The following COL6A6 variants were observed in gnomAD, a reference collection of about 807,000 sequenced individuals.
COL6A6 encodes the protein collagen alpha-6(VI) chain.
In COL6A6, 183 loss-of-function variants were observed where a neutral mutation model predicts 208.6. That is an observed-to-expected ratio of 0.88 (90% CI 0.78 to 0.99). The LOEUF (loss-of-function observed/expected upper bound fraction) is 0.99. COL6A6 is among the 50% of genes least tolerant of loss of function. The pLI is 0.00. For missense variants in COL6A6, 2,816 were observed against 2,815.2 expected (o/e 1.00, Z -0.01); for synonymous variants, 973 against 1,011.8 (o/e 0.96, Z 0.73).
At chr3:130,672,348 A>T (rs879916768) in intron 36 of COL6A6, among the ~76,000 whole-genome samples, 2 of 152,162 alleles carry the variant, frequency 1.3e-5, no homozygotes, top group Non-Finnish European at 2.9e-5. Flanking sequence ...TTATTTGAAC[A>T]ATATATAGTA....
rs774713000 is a variant in COL6A6 at position 130,568,414 on chromosome 3, A to G, written c.2211A>G (p.Ile737Met). 1.4e-5 allele frequency: 22 copies of G among 1,613,894 alleles called. No individual in the cohort carries two copies. The highest frequency in any genetic ancestry group is 1.8e-5 in the Non-Finnish European group (21 of 1,179,896). ...TCACGGATGGTGAAGCTCAGGACAT[A>G]GTAAAGGAACCAGCAGTAGTGCTTC... ...ILITDGEAQDIVKEPAVVLRQ... is the reference protein window; with the variant it reads ...ILITDGEAQDMVKEPAVVLRQ... Residue 737 changes from isoleucine to methionine, a missense_variant, in exon 6 of 37, where the codon ATA (isoleucine) becomes ATG (methionine). Ile to Met is a conservative substitution (Grantham distance 10, BLOSUM62 1). Coordinates refer to ENST00000358511, the MANE Select transcript of COL6A6 (RefSeq NM_001102608.3).
intron 33 of COL6A6, among the ~76,000 whole-genome samples, chr3:130,653,176 T>C (rs1222980188): frequency 6.6e-6 from 1 of 152,244 alleles, no homozygotes; most frequent in African/African-American, 2.4e-5. Flanking sequence ...TTTGACGTGC[T>C]GCACATTGAG....
In COL6A6 at chr3:130,563,766, G is replaced by A. The variant is rs868167625; in HGVS notation, c.661+102G>A. The A allele has an allele frequency of 7.3e-5, 57 of 782,952 alleles. 3 individuals carry two copies. In the South Asian group the frequency reaches 9.2e-4, roughly 13 times the overall value. The allele number at this position is 782,952 out of a possible 1,614,324, so 48.5% of individuals were successfully genotyped here. ...TATGAATATTCCTATCCCCAAAATG[G>A]GCTGCATTTTCAGATGTTATGTACC... On this transcript the variant is annotated intron_variant, in intron 3 of 36. Coordinates refer to ENST00000358511, the MANE Select transcript of COL6A6 (RefSeq NM_001102608.3).
At chr3:130,606,840 T>C (rs1576318022) in intron 20 of COL6A6, 91 bp from the exon 21 acceptor site, 1 of 941,276 alleles carries the variant, frequency 1.1e-6, no homozygotes, top group Non-Finnish European at 1.6e-6. Context: ...GTTATGTATG[T>C]TGGTGCCTTA....
intron 1 of COL6A6, among the ~76,000 whole-genome samples, chr3:130,548,843 G>A (rs1312206575): frequency 2.0e-5 from 3 of 152,356 alleles, no homozygotes; most frequent in South Asian, 2.1e-4. Flanking sequence ...TTTCTGGTAA[G>A]TTGTGATTCT....
chr3:130,580,054 A>C (rs1184065343), intron 8 of COL6A6, among the ~76,000 whole-genome samples: 1 of 152,244 alleles, frequency 6.6e-6, no homozygotes, highest in Non-Finnish European at 1.5e-5. Flanking sequence ...ACAGTTCCCA[A>C]GGTCACTTGA....
chr3:130,607,426 A>G (rs1053478717), intron 21 of COL6A6, among the ~76,000 whole-genome samples: 3 of 152,228 alleles, frequency 2.0e-5, no homozygotes, highest in Admixed American at 2.0e-4. Context: ...TATGTTGGTG[A>G]TACATTATAT....
chr3:130,610,509 A>T, intron 22 of COL6A6, 140 bp from the exon 23 acceptor site: 1 of 682,490 alleles, frequency 1.5e-6, no homozygotes, highest in Non-Finnish European at 2.5e-6. Context: ...ACAGGCCAGG[A>T]TGGAAGGAAA....
At chr3:130,545,452 AT>A (rs58217937) in intron 1 of COL6A6, among the ~76,000 whole-genome samples, 27,820 of 134,296 alleles carry the variant, frequency 0.21, 3,900 homozygotes, top group East Asian at 0.47. Context: ...GCTTTCAGGC[AT>A]TTTTTTTTTT....
chr3:130,551,457 G>T (rs1371891879), intron 1 of COL6A6, among the ~76,000 whole-genome samples: 1 of 152,100 alleles, frequency 6.6e-6, no homozygotes, highest in Non-Finnish European at 1.5e-5. Flanking sequence ...TGTTCATAGA[G>T]CTGTTCATAG....
chr3:130,643,665 A>G (rs532353630), intron 31 of COL6A6, among the ~76,000 whole-genome samples: 7 of 152,312 alleles, frequency 4.6e-5, no homozygotes, highest in African/African-American at 1.4e-4. Context: ...GATACCATCA[A>G]AAAAAATTTC....
intron 1 of COL6A6, among the ~76,000 whole-genome samples, chr3:130,552,731 G>A (rs2062673156): frequency 6.6e-6 from 1 of 152,174 alleles, no homozygotes; most frequent in Admixed American, 6.5e-5. Flanking sequence ...TGTTTGTGTG[G>A]TTGCTGGTGT....
In COL6A6 at chr3:130,581,995, C is replaced by T; in HGVS notation, c.3897C>T (p.Val1299=). The T allele has an allele frequency of 6.2e-7, 1 of 1,608,112 alleles. No homozygotes were observed. Residue 1299 remains valine, a synonymous_variant, in exon 10 of 37, where the codon GTC becomes GTT. Transcript: ENST00000358511. The part of the protein sequence containing the change: ...QNKSAARGKV[V]LLFSDGLDDD... ...TTTTTTGAATACTTTCTTAGGTGGTCCTTTTATTTTCAGATGGATTGGATG... is the reference window on the plus strand; with the variant it reads ...TTTTTTGAATACTTTCTTAGGTGGTTCTTTTATTTTCAGATGGATTGGATG...
chr3:130,542,550 G>A (rs149547318), intron 1 of COL6A6, among the ~76,000 whole-genome samples: 4 of 152,224 alleles, frequency 2.6e-5, no homozygotes, highest in Non-Finnish European at 5.9e-5. Context: ...TTGATTGATG[G>A]CATTGTTGAG....
rs146480169 is a variant in COL6A6 at position 130,579,926 on chromosome 3, C to T, written c.3548-1635C>T. On this transcript the variant is annotated intron_variant, in intron 8 of 36. Transcript: ENST00000358511. The stretch of plus-strand genomic sequence containing the variant: ...GTCCACCAAATTCCATTCCTTCTAT[C>T]ACATTATTATGGAATCATTTGTCAA... 9.6e-4 allele frequency among the ~76,000 whole-genome samples: 146 copies of T among 152,324 alleles called. 1 individual carries two copies. The East Asian group carries it at 0.025, about 26-fold the overall frequency.
chr3:130,674,007 C>T (rs1029759011), intron 36 of COL6A6, among the ~76,000 whole-genome samples: 3 of 152,134 alleles, frequency 2.0e-5, no homozygotes, highest in Non-Finnish European at 4.4e-5. Context: ...TTGCTCACAA[C>T]AACAGAAGTT....
In COL6A6 at chr3:130,675,513, C is replaced by A. The variant is rs2066338174; in HGVS notation, c.*116C>A. 1 of 685,646 alleles carries A rather than the reference C, an allele frequency of 1.5e-6. No homozygotes were observed. The highest frequency in any genetic ancestry group is 2.4e-6 in the Non-Finnish European group (1 of 416,850). The allele number at this position is 685,646 out of a possible 1,614,324, so 42.5% of individuals were successfully genotyped here. A position where few individuals can be genotyped will look rare whatever the true frequency, so the allele number is the denominator to read the frequency against. On this transcript the variant is annotated 3_prime_UTR_variant, in exon 37 of 37. Coordinates refer to ENST00000358511, the MANE Select transcript of COL6A6 (RefSeq NM_001102608.3). ...TTTGTAGGTTATCAGGTGACTTGAC[C>A]CCCTGCATTCATTGGTATTAAGATA... is the stretch of plus-strand genomic sequence containing the variant.
At chr3:130,671,610 A>G (rs976104244) in intron 36 of COL6A6, among the ~76,000 whole-genome samples, 1 of 152,238 alleles carries the variant, frequency 6.6e-6, no homozygotes, top group African/African-American at 2.4e-5. Context: ...GTGAGGCACA[A>G]TTGAACACAC....
At chr3:130,598,556 T>C (rs947018089) in intron 19 of COL6A6, 126 bp downstream of exon 19, 7 of 663,232 alleles carry the variant, frequency 1.1e-5, no homozygotes, top group South Asian at 8.0e-5. Flanking sequence ...AGAAAAACCA[T>C]TATTAGGAGC....
Sources: gnomAD v4.1 joint callset for allele counts (sites outside exome capture counted in the v4.1 genomes callset) on GRCh38, gnomAD v4.1.1 for gene constraint, MANE v1.5 for transcripts, NCBI Gene and HGNC (gene_info 2026-07-23, HGNC 2026-07-21) for gene names.